The following ULK4 variants were observed in gnomAD, a reference collection of about 807,000 sequenced individuals.
The protein encoded by ULK4 is inactive serine/threonine-protein kinase ULK4.
In ULK4, 133 loss-of-function variants were observed where a neutral mutation model predicts 160.6. The ratio of observed to expected loss-of-function variants is 0.83; its 90% CI spans 0.72 to 0.96. ULK4 has a LOEUF of 0.96. Ranked by LOEUF, ULK4 falls within the 40% of genes least tolerant of loss-of-function variation. The probability of loss-of-function intolerance (pLI) is 0.00; values close to 1 mark genes in which losing one functional copy is unlikely to be tolerated. For missense variants in ULK4, 1,580 were observed against 1,499.5 expected, an observed-to-expected ratio of 1.05 and a Z score of -0.89; for synonymous variants, 534 against 539.8, an observed-to-expected ratio of 0.99 and a Z score of 0.15.
chr3:41,308,693 A>G (rs1458078064), intron 35 of ULK4, among the ~76,000 whole-genome samples: 1 of 152,198 alleles, frequency 6.6e-6, no homozygotes, highest in Admixed American at 6.5e-5. Flanking sequence ...TCCAAAACCC[A>G]AAATGCTCCA....
chr3:41,730,612 C>T (rs1188055256), intron 22 of ULK4, among the ~76,000 whole-genome samples: 2 of 152,088 alleles, frequency 1.3e-5, no homozygotes, highest in Non-Finnish European at 2.9e-5. Flanking sequence ...AGTAATAAGA[C>T]TGAATCGATA....
chr3:41,893,704 A>G (rs1698050648), intron 16 of ULK4, among the ~76,000 whole-genome samples: 1 of 152,180 alleles, frequency 6.6e-6, no homozygotes, highest in Non-Finnish European at 1.5e-5. Context: ...AGTTTATCTT[A>G]AGTATTATGT....
At chr3:41,929,608 T>A in intron 5 of ULK4, among the ~76,000 whole-genome samples, 1 of 152,064 alleles carries the variant, frequency 6.6e-6, no homozygotes, top group Non-Finnish European at 1.5e-5. Context: ...CAGCCCAACA[T>A]CTCCTAAAGC....
intron 35 of ULK4, among the ~76,000 whole-genome samples, chr3:41,381,247 T>C (rs1332591273): frequency 2.0e-5 from 3 of 152,176 alleles, no homozygotes; most frequent in Non-Finnish European, 4.4e-5. Context: ...GATCTTGTCG[T>C]CCTCCACACT....
chr3:41,427,188 A>C (rs2082796018), intron 34 of ULK4, among the ~76,000 whole-genome samples: 1 of 152,222 alleles, frequency 6.6e-6, no homozygotes, highest in African/African-American at 2.4e-5. Flanking sequence ...TCCTGGATGC[A>C]TACACTCTCC....
At chr3:41,263,394 A>G (rs1168403231) in intron 35 of ULK4, among the ~76,000 whole-genome samples, 1 of 152,132 alleles carries the variant, frequency 6.6e-6, no homozygotes, top group Non-Finnish European at 1.5e-5. Flanking sequence ...GCCTGTTTCC[A>G]GCCCCTTCTC....
chr3:41,416,943 C>T (rs960799829), intron 34 of ULK4, among the ~76,000 whole-genome samples: 4 of 152,112 alleles, frequency 2.6e-5, no homozygotes, highest in African/African-American at 9.7e-5. Context: ...GCATCCTCTG[C>T]TCAGCTGAAA....
intron 18 of ULK4, among the ~76,000 whole-genome samples, chr3:41,833,840 T>C (rs1219356322): frequency 6.6e-6 from 1 of 152,068 alleles, no homozygotes; most frequent in African/African-American, 2.4e-5. Flanking sequence ...CCTATTTAAA[T>C]GCGCTTTATT....
At chr3:41,632,321 T>G (rs2033781105) in intron 30 of ULK4, among the ~76,000 whole-genome samples, 1 of 152,206 alleles carries the variant, frequency 6.6e-6, no homozygotes, top group Admixed American at 6.5e-5. Flanking sequence ...AATTCCATAT[T>G]TTTTAAAATT....
At chr3:41,415,691 C>T (rs2125831264) in intron 34 of ULK4, among the ~76,000 whole-genome samples, 1 of 152,264 alleles carries the variant, frequency 6.6e-6, no homozygotes, top group East Asian at 1.9e-4. Context: ...TCCCACTCTG[C>T]CTTTCCCAAC....
intron 32 of ULK4, among the ~76,000 whole-genome samples, chr3:41,510,557 C>T (rs1336879536): frequency 6.6e-6 from 1 of 152,162 alleles, no homozygotes; most frequent in Non-Finnish European, 1.5e-5. Flanking sequence ...ATGGAACATT[C>T]TCCAAGATGG....
At chr3:41,944,652 A>C (rs1700060005) in intron 2 of ULK4, among the ~76,000 whole-genome samples, 1 of 152,124 alleles carries the variant, frequency 6.6e-6, no homozygotes, top group African/African-American at 2.4e-5. Flanking sequence ...TATGTTGCCC[A>C]GGCTGGTTTC....
chr3:41,901,873 T>G (rs1396933313), intron 12 of ULK4, among the ~76,000 whole-genome samples: 2 of 152,286 alleles, frequency 1.3e-5, no homozygotes, highest in African/African-American at 4.8e-5. Context: ...TAAAAAAAAT[T>G]TTCAGACTTA....
At chr3:41,479,836 A>T (rs1031875735) in intron 32 of ULK4, among the ~76,000 whole-genome samples, 1 of 152,174 alleles carries the variant, frequency 6.6e-6, no homozygotes, top group Admixed American at 6.5e-5. Flanking sequence ...TTCATTATAG[A>T]CAAATTCCTA....
intron 35 of ULK4, among the ~76,000 whole-genome samples, chr3:41,343,738 C>A (rs558347970): frequency 6.6e-6 from 1 of 152,172 alleles, no homozygotes; most frequent in Non-Finnish European, 1.5e-5. Context: ...CATGAATGAA[C>A]TCCCATTCAC....
chr3:41,598,981 T>C (rs115852852), intron 31 of ULK4, among the ~76,000 whole-genome samples: 121 of 152,352 alleles, frequency 7.9e-4, no homozygotes, highest in Middle Eastern at 3.4e-3. Context: ...TTCTTGCCTT[T>C]TCTAGTTTCT....
chr3:41,879,722 C>A (rs745427601), intron 17 of ULK4, among the ~76,000 whole-genome samples: 1 of 152,132 alleles, frequency 6.6e-6, no homozygotes, highest in Non-Finnish European at 1.5e-5. Context: ...AAGTTATCCT[C>A]CCACCTCAGC....
At chr3:41,899,310 T>C (rs1698272588) in intron 13 of ULK4, 1 of 152,232 alleles carries the variant, frequency 6.6e-6, no homozygotes, top group African/African-American at 2.4e-5. Flanking sequence ...ACCTATAAGA[T>C]GTGAACATTA....
At chr3:41,346,540 C>A (rs2080803607) in intron 35 of ULK4, among the ~76,000 whole-genome samples, 1 of 152,068 alleles carries the variant, frequency 6.6e-6, no homozygotes. Context: ...GTAAGTCAGA[C>A]CGAGGCAGGT....
Sources: gnomAD v4.1 joint callset for allele counts (sites outside exome capture counted in the v4.1 genomes callset) on GRCh38, gnomAD v4.1.1 for gene constraint, MANE v1.5 for transcripts, NCBI Gene and HGNC (gene_info 2026-07-23, HGNC 2026-07-21) for gene names.